Variants in FRY observed in about 807,000 individuals in gnomAD.
FRY encodes the protein protein furry homolog.
FRY carries 128 observed loss-of-function variants against 348.4 expected under a neutral mutation model. That is an observed-to-expected ratio of 0.37 (90% CI 0.32 to 0.43). FRY has a LOEUF of 0.43. FRY is among the 20% of genes least tolerant of loss of function. The probability of loss-of-function intolerance (pLI) is 1.00; values close to 1 mark genes in which losing one functional copy is unlikely to be tolerated. For missense variants in FRY, 2,736 were observed against 3,695.2 expected (o/e 0.74, Z 6.73); for synonymous variants, 1,370 against 1,374.7 (o/e 1.00, Z 0.08).
At position 32,117,478 on chromosome 13, in the gene FRY, A is replaced by C. The variant is rs558309563; in HGVS notation, c.464+5A>C. On this transcript the variant is annotated splice_donor_5th_base_variant and intron_variant, in intron 4 of 60. Coordinates refer to ENST00000542859, the MANE Select transcript of FRY (RefSeq NM_023037.3). ...AACAAGCAATAAATCAAAAAGGTAC[A>C]TTTCTTTTGTGTAAGGATCATGGTT... 3.7e-6 allele frequency: 6 copies of C among 1,612,702 alleles called. No homozygotes were observed. In the South Asian group the frequency reaches 5.5e-5, roughly 15 times the overall value.
rs143872840 is a variant in FRY at position 32,238,746 on chromosome 13, A to G, written c.6419-506A>G. On this transcript the variant is annotated intron_variant, in intron 44 of 60. Coordinates refer to ENST00000542859, the MANE Select transcript of FRY (RefSeq NM_023037.3). ...ATTACAGGTGTGAGCCACCATGCCC[A>G]GCCAACAAACCAGATTTTTAATGCC... is the stretch of plus-strand genomic sequence containing the variant. 2.6e-3 allele frequency among the ~76,000 whole-genome samples: 393 copies of G among 152,298 alleles called. 3 individuals are homozygous for G. The highest frequency in any genetic ancestry group is 9.0e-3 in the African/African-American group (375 of 41,566).
intron 24 of FRY, among the ~76,000 whole-genome samples, chr13:32,183,912 G>T (rs2138259356): frequency 6.6e-6 from 1 of 152,216 alleles, no homozygotes; most frequent in South Asian, 2.1e-4. Context: ...CAATGTAGAA[G>T]GATTACTTGA....
intron 55 of FRY, among the ~76,000 whole-genome samples, chr13:32,272,910 G>GT (rs1169912639): frequency 2.0e-4 from 24 of 121,472 alleles, no homozygotes; most frequent in South Asian, 9.6e-4. Context: ...TAATTTTTTG[G>GT]TATTTTTTTT....
At chr13:32,147,998 C>G (rs1348819395) in intron 13 of FRY, 51 bp downstream of exon 13, 1 of 1,007,532 alleles carries the variant, frequency 9.9e-7, no homozygotes, top group South Asian at 1.3e-5. Context: ...TTTTCAGCAG[C>G]CAGCCTCCTT....
intron 28 of FRY, among the ~76,000 whole-genome samples, chr13:32,192,854 G>A (rs980545757): frequency 2.1e-5 from 3 of 145,652 alleles, no homozygotes; most frequent in African/African-American, 7.7e-5. Context: ...AGTGATTCTC[G>A]TGCCTCAGCC....
intron 2 of FRY, among the ~76,000 whole-genome samples, chr13:32,096,726 G>T (rs1358586238): frequency 6.8e-6 from 1 of 147,666 alleles, no homozygotes; most frequent in African/African-American, 2.5e-5. Context: ...TCTCTTGAAT[G>T]CAGGAGGCAG....
chr13:32,129,661 G>A (rs1879228594), intron 7 of FRY, among the ~76,000 whole-genome samples: 1 of 151,894 alleles, frequency 6.6e-6, no homozygotes, highest in African/African-American at 2.4e-5. Context: ...AACCCATTAG[G>A]GAATATCTCA....
At chr13:32,243,990 C>G (rs1399530379) in intron 46 of FRY, 52 bp from the exon 47 acceptor site, 1 of 1,599,906 alleles carries the variant, frequency 6.3e-7, no homozygotes, top group Non-Finnish European at 8.5e-7. Flanking sequence ...ACGGGTCCTT[C>G]CATACGGAGA....
chr13:32,156,616 A>G (rs930993638), intron 15 of FRY, among the ~76,000 whole-genome samples: 2 of 151,966 alleles, frequency 1.3e-5, no homozygotes. Context: ...AAAAAAAAAA[A>G]AAAAACAGAT....
chr13:32,047,591 G>T lies in FRY; in HGVS notation c.70+15726G>T, dbSNP rs543134464. Among the ~76,000 whole-genome samples, 231 of 145,628 alleles carry T rather than the reference G, an allele frequency of 1.6e-3. 4 individuals are homozygous for T. Among genetic ancestry groups the T allele is most frequent in the Non-Finnish European group, 2.6e-3 (171 of 65,590 alleles). On this transcript the variant is annotated intron_variant, in intron 1 of 60. Transcript: ENST00000542859. ...TCTTTTCTTTTTTTTTGGGGGGGGT[G>T]CAGAGTTTCACTCTTGTTGCCCAGG...
intron 2 of FRY, among the ~76,000 whole-genome samples, chr13:32,095,204 T>TC (rs397736001): frequency 6.6e-6 from 1 of 151,566 alleles, no homozygotes. Context: ...TTAGATTTTT[T>TC]CCCATAGGGT....
chr13:32,036,354 G>A (rs569024881), intron 1 of FRY, among the ~76,000 whole-genome samples: 27 of 152,142 alleles, frequency 1.8e-4, no homozygotes, highest in Non-Finnish European at 2.8e-4. Flanking sequence ...CTAAGGCCAC[G>A]GGGTCACTTC....
At chr13:32,240,580 T>C (rs1886449603) in intron 46 of FRY, among the ~76,000 whole-genome samples, 2 of 152,256 alleles carry the variant, frequency 1.3e-5, no homozygotes, top group African/African-American at 4.8e-5. Context: ...TCTGTGTACG[T>C]TGGTGCTAGA....
At chr13:32,254,124 G>A in intron 50 of FRY, 100 bp from the exon 51 acceptor site, 1 of 1,022,754 alleles carries the variant, frequency 9.8e-7, no homozygotes, top group Non-Finnish European at 1.6e-6. Flanking sequence ...AATTAGGTGT[G>A]TACTGGAAAT....
At chr13:32,164,034 T>C (rs200653812) in intron 17 of FRY, among the ~76,000 whole-genome samples, 3 of 152,190 alleles carry the variant, frequency 2.0e-5, no homozygotes, top group Admixed American at 6.5e-5. Context: ...CCAGAGGCTG[T>C]TCTCCTCAGG....
At chr13:32,284,926 C>T (rs756983184) in intron 58 of FRY, among the ~76,000 whole-genome samples, 1 of 152,192 alleles carries the variant, frequency 6.6e-6, no homozygotes, top group Non-Finnish European at 1.5e-5. Context: ...ATGCTACTGT[C>T]GATCAGCAGG....
intron 50 of FRY, among the ~76,000 whole-genome samples, chr13:32,253,485 G>A (rs979268606): frequency 6.6e-6 from 1 of 152,132 alleles, no homozygotes; most frequent in Non-Finnish European, 1.5e-5. Flanking sequence ...ATGTTCAGTA[G>A]AGGCTGGATA....
At chr13:32,076,024 T>C (rs1875029422) in intron 1 of FRY, among the ~76,000 whole-genome samples, 1 of 152,232 alleles carries the variant, frequency 6.6e-6, no homozygotes, top group African/African-American at 2.4e-5. Flanking sequence ...ATAATATTTT[T>C]TATGATAGCA....
rs200488673 is a variant in FRY, at chr13:32,178,414, G to A, written c.2659G>A (p.Val887Met). 1.9e-5 allele frequency: 30 copies of A among 1,614,150 alleles called. No homozygotes were observed. The highest frequency in any genetic ancestry group is 2.5e-5 in the Non-Finnish European group (29 of 1,180,012). ...WPYAFTRLQS[V>M]MPLVDPNSPI... ...TTATGCCTTCACTCGGCTCCAGTCG[G>A]TGATGCCTCTGGTGGACCCAAAGTA... Residue 887 changes from valine to methionine, a missense_variant, in exon 21 of 61, where the codon GTG (valine) becomes ATG (methionine). Val to Met is a conservative substitution (Grantham distance 21). Around this residue, in one of 9 missense-constraint regions of FRY, gnomAD observed 449 missense variants for 576.9 expected, o/e 0.78. Transcript: ENST00000542859.
Sources: allele counts gnomAD v4.1 joint callset (sites outside exome capture counted in the v4.1 genomes callset), GRCh38; gene constraint gnomAD v4.1.1; regional missense constraint gnomAD v4.1.1; transcripts MANE v1.5; gene names NCBI Gene and HGNC (gene_info 2026-07-23, HGNC 2026-07-21).